Variants in LEMD3 observed in about 807,000 individuals in gnomAD.
The protein encoded by LEMD3 is LEM domain containing 3, also known as inner nuclear membrane protein Man1.
A neutral mutation model predicts 95.2 loss-of-function variants in LEMD3; 33 were observed. That is an observed-to-expected ratio of 0.35 (90% CI 0.26 to 0.46). LEMD3 has a LOEUF of 0.46. Ranked by LOEUF, LEMD3 falls within the 20% of genes least tolerant of loss-of-function variation. LEMD3 has a pLI of 1.00. For synonymous variants in LEMD3, 525 were observed against 474.6 expected, an observed-to-expected ratio of 1.11 and a Z score of -1.38; for missense variants, 1,210 against 1,192.8, an observed-to-expected ratio of 1.01 and a Z score of -0.21.
intron 1 of LEMD3, among the ~76,000 whole-genome samples, chr12:65,178,395 A>G (rs889877557): frequency 2.7e-4 from 41 of 152,212 alleles, no homozygotes; most frequent in African/African-American, 9.6e-4. Context: ...ATCTCTACAG[A>G]TATATCCACG....
At chr12:65,200,396 C>T (rs1007726918) in intron 1 of LEMD3, among the ~76,000 whole-genome samples, 4 of 152,118 alleles carry the variant, frequency 2.6e-5, no homozygotes, top group Admixed American at 6.6e-5. Flanking sequence ...TTCGTTGCTT[C>T]ATTCTTTTGT....
chr12:65,211,091 C>A, intron 2 of LEMD3, 128 bp downstream of exon 2: 1 of 710,524 alleles, frequency 1.4e-6, no homozygotes, highest in Non-Finnish European at 2.4e-6. Flanking sequence ...GTTTTATCAA[C>A]TTAAAAAAAT....
chr12:65,170,978 A>T lies in LEMD3; in HGVS notation c.1382A>T (p.Glu461Val), dbSNP rs901104339. 1 of 1,614,074 alleles carries T rather than the reference A, an allele frequency of 6.2e-7. No homozygotes were observed. The highest frequency in any genetic ancestry group is 1.3e-5 in the African/African-American group (1 of 74,932). Reference sequence around the variant, plus strand: ...CTTCTCCAGCAATTTAAACGGGAGGAGGTGTCCCCAACAGGGAGTTTCAGT... The same window carrying T: ...CTTCTCCAGCAATTTAAACGGGAGGTGGTGTCCCCAACAGGGAGTTTCAGT... Reference protein sequence around the residue: ...EELLQQFKREEVSPTGSFSAH... With the variant: ...EELLQQFKREVVSPTGSFSAH... The change falls in exon 1 of 13, where the codon GAG becomes GTG. Residue 461 changes from glutamate to valine, a missense_variant. Physicochemically the swap from Glu to Val is moderately radical, Grantham distance 121. Coordinates refer to ENST00000308330, the MANE Select transcript of LEMD3 (RefSeq NM_014319.5).
At position 65,221,716 on chromosome 12, in the gene LEMD3, G is replaced by A. The variant is rs77845493; in HGVS notation, c.1695+3097G>A. Among the ~76,000 whole-genome samples, 1,084 of 148,182 alleles carry A rather than the reference G, an allele frequency of 7.3e-3. 6 individuals carry two copies. The highest frequency in any genetic ancestry group is 0.025 in the Middle Eastern group (7 of 282). ...AAATAGCCACCCTGGCCTTCTTCCTGATCTTAGAGGAAAATCTCTCTTTTT... is the reference window on the plus strand; with the variant it reads ...AAATAGCCACCCTGGCCTTCTTCCTAATCTTAGAGGAAAATCTCTCTTTTT... On this transcript the variant is annotated intron_variant, in intron 4 of 12. Transcript: ENST00000308330.
intron 1 of LEMD3, among the ~76,000 whole-genome samples, chr12:65,210,342 T>G (rs917794181): frequency 6.6e-6 from 1 of 152,136 alleles, no homozygotes; most frequent in Non-Finnish European, 1.5e-5. Flanking sequence ...AAATGAATTA[T>G]TCAGTTTTAA....
intron 2 of LEMD3, among the ~76,000 whole-genome samples, chr12:65,214,650 T>C (rs1056731271): frequency 1.3e-5 from 2 of 152,208 alleles, no homozygotes; most frequent in Admixed American, 6.5e-5. Flanking sequence ...TTATTAGACA[T>C]ATAAATGTTA....
At chr12:65,199,000 C>T (rs987569308) in intron 1 of LEMD3, among the ~76,000 whole-genome samples, 1 of 152,028 alleles carries the variant, frequency 6.6e-6, no homozygotes, top group Admixed American at 6.6e-5. Flanking sequence ...TTAATTGTTT[C>T]CCTCTGGAGT....
intron 1 of LEMD3, among the ~76,000 whole-genome samples, chr12:65,182,632 T>C (rs976886278): frequency 3.9e-5 from 6 of 152,146 alleles, no homozygotes; most frequent in Non-Finnish European, 8.8e-5. Flanking sequence ...TTTTTGCAGC[T>C]ATATTAAACA....
intron 4 of LEMD3, among the ~76,000 whole-genome samples, chr12:65,234,109 A>G (rs1036151773): frequency 6.6e-6 from 1 of 152,206 alleles, no homozygotes; most frequent in Non-Finnish European, 1.5e-5. Context: ...TGTTTGTTTT[A>G]TGATGCTGGA....
chr12:65,193,676 A>G (rs1478420764), intron 1 of LEMD3, among the ~76,000 whole-genome samples: 1 of 151,594 alleles, frequency 6.6e-6, no homozygotes, highest in Non-Finnish European at 1.5e-5. Context: ...ACCAATTATT[A>G]GAGAGACAGT....
rs1171158829 is a variant in LEMD3 at position 65,247,705 on chromosome 12, T to C, written c.*1380T>C. The C allele has an allele frequency of 1.3e-5, 2 of 152,616 alleles. No homozygotes were observed. The highest frequency in any genetic ancestry group is 2.9e-5 in the Non-Finnish European group (2 of 68,014). 9.5% of individuals were successfully genotyped at this position (152,616 alleles called of 1,614,324 possible). A position where few individuals can be genotyped will look rare whatever the true frequency, so the allele number is the denominator to read the frequency against. ...TGTATTTAAAGCTCAGTTTCCTTTT[T>C]GTTTTATTGTATGCGTTGGGTTTGC... On this transcript the variant is annotated 3_prime_UTR_variant, in exon 13 of 13. Transcript: ENST00000308330.
intron 4 of LEMD3, among the ~76,000 whole-genome samples, chr12:65,237,297 T>C (rs1386276464): frequency 6.6e-6 from 1 of 152,214 alleles, no homozygotes; most frequent in African/African-American, 2.4e-5. Context: ...TCTTATCTGC[T>C]TCTTTATTCA....
chr12:65,198,522 G>A (rs1212680177), intron 1 of LEMD3, among the ~76,000 whole-genome samples: 1 of 152,054 alleles, frequency 6.6e-6, no homozygotes, highest in Non-Finnish European at 1.5e-5. Flanking sequence ...GTAAGATAAA[G>A]CTCCCATATT....
Position 65,210,983 on chromosome 12 carries a change from A to T in LEMD3, c.1560+20A>T, listed in dbSNP as rs571748075. ...ATACAAGTAAGTAAACGATCATAAT[A>T]CTGATAATTTTGTGTCATGTTTTAT... On this transcript the variant is annotated intron_variant, in intron 2 of 12. Transcript: ENST00000308330. The T allele has an allele frequency of 1.3e-6, 2 of 1,538,472 alleles. No individual in the cohort carries two copies. The highest frequency in any genetic ancestry group is 1.4e-5 in the African/African-American group (1 of 73,628).
intron 4 of LEMD3, among the ~76,000 whole-genome samples, chr12:65,232,488 A>G (rs1439030039): frequency 6.6e-6 from 1 of 152,144 alleles, no homozygotes; most frequent in East Asian, 1.9e-4. Context: ...CCTCAGTAAC[A>G]TATTTTTGTT....
At chr12:65,171,443 G>GT in intron 1 of LEMD3, 1 of 337,488 alleles carries the variant, frequency 3.0e-6, no homozygotes, top group Non-Finnish European at 5.7e-6. Context: ...GCAGATGCCA[G>GT]TTACTTAACA....
intron 9 of LEMD3, 85 bp from the exon 10 acceptor site, chr12:65,243,303 A>AT: frequency 1.2e-6 from 1 of 846,890 alleles, no homozygotes. Context: ...CATGCAGTGA[A>AT]TATTTTTTGA....
At chr12:65,217,919 G>A (rs576988676) in intron 3 of LEMD3, among the ~76,000 whole-genome samples, 2 of 152,148 alleles carry the variant, frequency 1.3e-5, no homozygotes, top group African/African-American at 4.8e-5. Flanking sequence ...ATGGAGTCAA[G>A]CTGTCTTCTC....
rs551738224 is a variant in LEMD3 at position 65,214,221 on chromosome 12, C to T, written c.1561-1756C>T. 8.5e-4 allele frequency among the ~76,000 whole-genome samples: 130 copies of T among 152,180 alleles called. 3 individuals carry two copies. The highest frequency in any genetic ancestry group is 2.2e-3 in the Admixed American group (34 of 15,268). On this transcript the variant is annotated intron_variant, in intron 2 of 12. Transcript: ENST00000308330. ...CTGGGACTACAGGTGCATGCCACCACGCTCAGCTCATGTTCCACCCTCCTC... is the reference window on the plus strand; with the variant it reads ...CTGGGACTACAGGTGCATGCCACCATGCTCAGCTCATGTTCCACCCTCCTC...
Sources: gnomAD v4.1 joint callset for allele counts (sites outside exome capture counted in the v4.1 genomes callset) on GRCh38, gnomAD v4.1.1 for gene constraint, MANE v1.5 for transcripts, NCBI Gene and HGNC (gene_info 2026-07-23, HGNC 2026-07-21) for gene names.